The following AKAP6 variants were observed in gnomAD, a reference collection of about 807,000 sequenced individuals.
The protein encoded by AKAP6 is A-kinase anchor protein 6.
A neutral mutation model predicts 188.5 loss-of-function variants in AKAP6; 58 were observed. The ratio of observed to expected loss-of-function variants is 0.31; its 90% CI spans 0.25 to 0.38. AKAP6 has a LOEUF of 0.38. AKAP6 is among the 10% of genes least tolerant of loss of function. AKAP6 has a pLI of 1.00. For synonymous variants in AKAP6, 989 were observed against 998.6 expected, an observed-to-expected ratio of 0.99 and a Z score of 0.18; for missense variants, 2,710 against 2,740.0, an observed-to-expected ratio of 0.99 and a Z score of 0.24.
chr14:32,793,785 C>T (rs1430069116), intron 12 of AKAP6, among the ~76,000 whole-genome samples: 1 of 151,738 alleles, frequency 6.6e-6, no homozygotes, highest in African/African-American at 2.4e-5. Context: ...GTAAAGGCTT[C>T]AATTCAATAA....
At chr14:32,591,563 A>G (rs1885486412) in intron 5 of AKAP6, among the ~76,000 whole-genome samples, 1 of 151,732 alleles carries the variant, frequency 6.6e-6, no homozygotes, top group South Asian at 2.1e-4. Context: ...AATTCTTGGA[A>G]ATGTTTTTAT....
chr14:32,393,472 G>A (rs982712342), intron 1 of AKAP6, among the ~76,000 whole-genome samples: 7 of 152,022 alleles, frequency 4.6e-5, no homozygotes, highest in Admixed American at 3.9e-4. Context: ...AATAGATCCT[G>A]GACCAGAAAA....
intron 1 of AKAP6, chr14:32,375,837 A>G (rs1016474574): frequency 3.3e-5 from 5 of 152,332 alleles, no homozygotes; most frequent in African/African-American, 1.2e-4. Context: ...TTGCCTTAAC[A>G]TAGTGGCTAA....
intron 3 of AKAP6, among the ~76,000 whole-genome samples, chr14:32,543,767 G>A (rs1883067822): frequency 6.6e-6 from 1 of 152,196 alleles, no homozygotes; most frequent in South Asian, 2.1e-4. Context: ...GCAGAATACA[G>A]ACTTTGGGGA....
intron 1 of AKAP6, chr14:32,401,966 AT>A (rs11291821): frequency 1 from 151,671 of 152,308 alleles, 75,519 homozygotes; most frequent in East Asian, 1. Context: ...GAGAACAGTG[AT>A]TTTTTTCCCT....
At chr14:32,755,485 C>G (rs1404060899) in intron 11 of AKAP6, among the ~76,000 whole-genome samples, 2 of 150,824 alleles carry the variant, frequency 1.3e-5, no homozygotes, top group African/African-American at 4.9e-5. Context: ...TATTTGTGTT[C>G]TCTTGTAGCC....
chr14:32,649,295 A>G (rs1888112250), intron 7 of AKAP6, among the ~76,000 whole-genome samples: 1 of 152,270 alleles, frequency 6.6e-6, no homozygotes, highest in East Asian at 1.9e-4. Flanking sequence ...TTGAGGGTGG[A>G]TTACTAGCTG....
intron 7 of AKAP6, among the ~76,000 whole-genome samples, chr14:32,667,928 A>G (rs1173165980): frequency 6.6e-6 from 1 of 152,152 alleles, no homozygotes; most frequent in East Asian, 1.9e-4. Context: ...GTTTGCCAGC[A>G]TAATTGTACT....
chr14:32,529,790 G>A (rs1882313399), intron 2 of AKAP6, among the ~76,000 whole-genome samples: 1 of 151,950 alleles, frequency 6.6e-6, no homozygotes, highest in African/African-American at 2.4e-5. Flanking sequence ...AAGATTTTTT[G>A]TATAAAGTTG....
chr14:32,679,837 A>G (rs568539381), intron 8 of AKAP6, among the ~76,000 whole-genome samples: 3 of 152,324 alleles, frequency 2.0e-5, no homozygotes, highest in East Asian at 3.9e-4. Flanking sequence ...TTCAGTAGTC[A>G]TTTATTCACC....
chr14:32,607,680 A>C (rs2139372280), intron 7 of AKAP6, among the ~76,000 whole-genome samples: 1 of 152,332 alleles, frequency 6.6e-6, no homozygotes, highest in Non-Finnish European at 1.5e-5. Flanking sequence ...ATTACCTAAG[A>C]TTCAGATCAT....
At chr14:32,407,313 C>T (rs899846450) in intron 1 of AKAP6, among the ~76,000 whole-genome samples, 3 of 152,186 alleles carry the variant, frequency 2.0e-5, no homozygotes, top group Admixed American at 2.0e-4. Flanking sequence ...CCCAAAGGAC[C>T]TCCTGCCAAG....
At chr14:32,643,496 C>A (rs577039463) in intron 7 of AKAP6, among the ~76,000 whole-genome samples, 4 of 151,884 alleles carry the variant, frequency 2.6e-5, no homozygotes, top group East Asian at 1.9e-4. Flanking sequence ...TTAGTAGAGA[C>A]GGGGTTTCAC....
intron 2 of AKAP6, among the ~76,000 whole-genome samples, chr14:32,462,393 C>A (rs1891359459): frequency 6.6e-6 from 1 of 152,100 alleles, no homozygotes; most frequent in Non-Finnish European, 1.5e-5. Context: ...CTGCAGAAAC[C>A]CTGTGAGCCA....
chr14:32,358,505 G>T (rs1340602379), intron 1 of AKAP6, among the ~76,000 whole-genome samples: 1 of 152,000 alleles, frequency 6.6e-6, no homozygotes, highest in African/African-American at 2.4e-5. Flanking sequence ...TTCCCAGTTT[G>T]GTTTCTGACC....
At chr14:32,427,663 G>A (rs919667756) in intron 1 of AKAP6, among the ~76,000 whole-genome samples, 2 of 152,296 alleles carry the variant, frequency 1.3e-5, no homozygotes, top group South Asian at 2.1e-4. Flanking sequence ...CACCTCTGGA[G>A]TTTCTTTCTC....
intron 2 of AKAP6, among the ~76,000 whole-genome samples, chr14:32,496,276 A>G (rs1218797434): frequency 6.6e-6 from 1 of 152,126 alleles, no homozygotes; most frequent in Non-Finnish European, 1.5e-5. Flanking sequence ...TTATGCTTTG[A>G]TGGTTCTTTT....
intron 2 of AKAP6, among the ~76,000 whole-genome samples, chr14:32,521,883 C>T (rs1406634976): frequency 1.3e-5 from 2 of 152,156 alleles, no homozygotes; most frequent in African/African-American, 4.8e-5. Context: ...ATTGCCAAGA[C>T]AATCCTAAGC....
chr14:32,534,989 CAAA>C (rs10707758), intron 2 of AKAP6, among the ~76,000 whole-genome samples: 3 of 101,992 alleles, frequency 2.9e-5, no homozygotes, highest in African/African-American at 6.4e-5. Flanking sequence ...AAAAACAAAC[CAAA>C]AAAAAAAAAA....
Sources: gnomAD v4.1 joint callset for allele counts (sites outside exome capture counted in the v4.1 genomes callset) on GRCh38, gnomAD v4.1.1 for gene constraint, MANE v1.5 for transcripts, NCBI Gene and HGNC (gene_info 2026-07-23, HGNC 2026-07-21) for gene names.